Variants in VAC14 observed in about 807,000 individuals in gnomAD.
VAC14 encodes protein VAC14 homolog.
In VAC14, 47 loss-of-function variants were observed where a neutral mutation model predicts 85.3. The ratio of observed to expected loss-of-function variants is 0.55; its 90% CI spans 0.44 to 0.70. The LOEUF (loss-of-function observed/expected upper bound fraction) is 0.70. VAC14 is among the 30% of genes least tolerant of loss of function. The probability of loss-of-function intolerance (pLI) is 0.00; values close to 1 mark genes in which losing one functional copy is unlikely to be tolerated. For missense variants in VAC14, 861 were observed against 1,004.3 expected, an observed-to-expected ratio of 0.86 and a Z score of 1.93; for synonymous variants, 447 against 430.5, an observed-to-expected ratio of 1.04 and a Z score of -0.47.
Position 70,760,965 on chromosome 16 carries a change from GTGTGTGTGTGTGTGT to G in VAC14, c.1371+1560_1371+1574del, listed in dbSNP as rs2032292523. Among the ~76,000 whole-genome samples, 133 of 60,732 alleles carry G rather than the reference GTGTGTGTGTGTGTGT, an allele frequency of 2.2e-3. 6 individuals carry two copies. Among genetic ancestry groups the G allele is most frequent in the African/African-American group, 7.8e-3 (122 of 15,612 alleles). The allele number at this position is 60,732 out of a possible 152,430, so 39.8% of individuals were successfully genotyped here. On this transcript the variant is annotated intron_variant, in intron 12 of 18. Transcript: ENST00000261776. ...AGGGGGTGGTGCACGAAGAGAGGGT[GTGTGTGTGTGTGTGT>G]GTGTGTGTGTGTGTGTGTGTGTGTG...
rs1416142159 is a variant in VAC14 at position 70,783,467 on chromosome 16, T to A, written c.682A>T (p.Asn228Tyr). Reference sequence around the variant, plus strand: ...CACATTTTGCGAATCTCTTTGCCATTGTCACCCAGGATCTGGAAGAGTCCA... The same window carrying A: ...CACATTTTGCGAATCTCTTTGCCATAGTCACCCAGGATCTGGAAGAGTCCA... ...LDGLFQILGDNGKEIRKMCEV... is the reference protein window; with the variant it reads ...LDGLFQILGDYGKEIRKMCEV... Residue 228 changes from asparagine to tyrosine, a missense_variant, in exon 6 of 19, where the codon AAT becomes TAT. By Grantham distance (143) the Asn-to-Tyr change is moderately radical. Coordinates refer to ENST00000261776, the MANE Select transcript of VAC14 (RefSeq NM_018052.5). The A allele has an allele frequency of 6.2e-7, 1 of 1,614,102 alleles. No individual in the cohort carries two copies. Among genetic ancestry groups the A allele is most frequent in the Non-Finnish European group, 8.5e-7 (1 of 1,180,030 alleles).
chr16:70,794,337 A>G (rs1267749968), intron 1 of VAC14, among the ~76,000 whole-genome samples: 1 of 152,208 alleles, frequency 6.6e-6, no homozygotes, highest in African/African-American at 2.4e-5. Flanking sequence ...TTCTGTTTCT[A>G]TAGATTTGCC....
chr16:70,763,025 G>C lies in VAC14; in HGVS notation c.1161C>G (p.Ser387Arg). The C allele has an allele frequency of 6.2e-7, 1 of 1,614,218 alleles. No homozygotes were observed. The highest frequency in any genetic ancestry group is 8.5e-7 in the Non-Finnish European group (1 of 1,180,038). ...SSGISVFTAA[S>R]TERAPVTLHL... Reference sequence around the variant, plus strand: ...GAAGGGTCACTGGGGCTCTTTCAGTGCTGTGGGTAAGATCGGGAGGGAGAG... The same window carrying C: ...GAAGGGTCACTGGGGCTCTTTCAGTCCTGTGGGTAAGATCGGGAGGGAGAG... Residue 387 changes from serine (S) to arginine (R), a missense_variant and splice_region_variant, in exon 11 of 19, where the codon AGC (serine) becomes AGG (arginine). Physicochemically the swap from Ser to Arg is moderately radical, Grantham distance 110. Coordinates refer to ENST00000261776, the MANE Select transcript of VAC14 (RefSeq NM_018052.5).
intron 12 of VAC14, among the ~76,000 whole-genome samples, chr16:70,755,827 C>G (rs529259146): frequency 2.6e-5 from 4 of 152,320 alleles, no homozygotes; most frequent in African/African-American, 9.6e-5. Flanking sequence ...GGGGTAGACA[C>G]TGAGGGATGG....
Position 70,762,106 on chromosome 16 carries a change from T to TTTTTG in VAC14, c.1371+433_1371+434insCAAAA, listed in dbSNP as rs113559875. Among the ~76,000 whole-genome samples, 32,040 of 151,600 alleles carry TTTTTG rather than the reference T, an allele frequency of 0.21. 4,432 individuals are homozygous for TTTTTG. The highest frequency in any genetic ancestry group is 0.4 in the African/African-American group (16,467 of 41,140). On this transcript the variant is annotated intron_variant, in intron 12 of 18. Coordinates refer to ENST00000261776, the MANE Select transcript of VAC14 (RefSeq NM_018052.5). This position sits in a 1 kb window ranked among gnomAD's most constrained non-coding sequence, Gnocchi z 4.1. ...GTCCTCACTCCTAAAGTGAGTTTTT[T>TTTTTG]TTTTTGTTTTTGTTTTTTTGAGACA...
intron 5 of VAC14, 136 bp from the exon 6 acceptor site, chr16:70,783,690 G>T (rs900388146): frequency 6.1e-6 from 5 of 818,336 alleles, no homozygotes; most frequent in Non-Finnish European, 7.9e-6. Flanking sequence ...GTCCCATGTG[G>T]GAGGAGGGTG....
chr16:70,730,405 A>C (rs979145569), intron 14 of VAC14, among the ~76,000 whole-genome samples: 27 of 152,018 alleles, frequency 1.8e-4, no homozygotes, highest in African/African-American at 5.8e-4. Flanking sequence ...GTTTACAGCA[A>C]GATGAGCTCC....
intron 1 of VAC14, among the ~76,000 whole-genome samples, chr16:70,800,276 G>A (rs905790848): frequency 6.6e-6 from 1 of 152,216 alleles, no homozygotes; most frequent in African/African-American, 2.4e-5. Flanking sequence ...CCACTTGCAG[G>A]GAAGGGTGTT....
intron 1 of VAC14, 95 bp from the exon 2 acceptor site, chr16:70,786,460 T>C: frequency 6.6e-7 from 1 of 1,512,502 alleles, no homozygotes. Context: ...GATGACCTGT[T>C]TGGAAAGAGG....
intron 13 of VAC14, 74 bp downstream of exon 13, chr16:70,744,349 C>T: frequency 6.3e-7 from 1 of 1,582,314 alleles, no homozygotes; most frequent in Non-Finnish European, 8.6e-7. Context: ...ACCCAAAGGA[C>T]CGCCATGGTC....
chr16:70,713,149 C>CG (rs1419420406), intron 14 of VAC14, among the ~76,000 whole-genome samples: 2 of 151,828 alleles, frequency 1.3e-5, no homozygotes, highest in African/African-American at 4.8e-5. Flanking sequence ...AATACAAGCA[C>CG]GAAAAAAAAG....
chr16:70,726,412 C>T (rs193031374), intron 14 of VAC14, among the ~76,000 whole-genome samples: 2 of 152,330 alleles, frequency 1.3e-5, no homozygotes, highest in East Asian at 3.9e-4. Flanking sequence ...GGTTCCCCCT[C>T]CACAGACCAC....
rs775235321 is a variant in VAC14, at chr16:70,762,503, C to T, written c.1371+37G>A. ...CACTAACAAGGGGAGGCAGGGCAGC[C>T]GATGTTCCATAAGTACGGGTGGCGT... On this transcript the variant is annotated intron_variant, in intron 12 of 18. Coordinates refer to ENST00000261776, the MANE Select transcript of VAC14 (RefSeq NM_018052.5). This position sits in a 1 kb window ranked among gnomAD's most constrained non-coding sequence, Gnocchi z 4.1. 7 of 1,604,210 alleles carry T rather than the reference C, an allele frequency of 4.4e-6. No individual in the cohort carries two copies. The highest frequency in any genetic ancestry group is 1.7e-4 in the Middle Eastern group (1 of 6,046).
chr16:70,760,199 T>C (rs1359463523), intron 12 of VAC14, among the ~76,000 whole-genome samples: 3 of 152,154 alleles, frequency 2.0e-5, no homozygotes, highest in Non-Finnish European at 4.4e-5. Context: ...TCTGGCTGTG[T>C]TCCTGCTTAA....
chr16:70,783,194 G>A, intron 6 of VAC14, 55 bp from the exon 7 acceptor site: 2 of 1,557,304 alleles, frequency 1.3e-6, no homozygotes, highest in South Asian at 2.3e-5. Flanking sequence ...GGCTGGAGGA[G>A]CCTCAAACCA....
At chr16:70,791,729 G>A (rs942533128) in intron 1 of VAC14, among the ~76,000 whole-genome samples, 1 of 152,168 alleles carries the variant, frequency 6.6e-6, no homozygotes, top group Non-Finnish European at 1.5e-5. Context: ...GGCACCATGT[G>A]TCTGCATCTC....
chr16:70,723,003 G>A (rs1180460785), intron 14 of VAC14, among the ~76,000 whole-genome samples: 1 of 152,042 alleles, frequency 6.6e-6, no homozygotes, highest in African/African-American at 2.4e-5. Flanking sequence ...ATCACCTGAG[G>A]TCAGGAGTTT....
At chr16:70,723,799 G>A (rs1408103381) in intron 14 of VAC14, among the ~76,000 whole-genome samples, 1 of 152,216 alleles carries the variant, frequency 6.6e-6, no homozygotes, top group African/African-American at 2.4e-5. Context: ...GACTGGCAAG[G>A]GGCCAGCGTG....
chr16:70,706,868 C>T (rs2053929878), intron 14 of VAC14, among the ~76,000 whole-genome samples: 1 of 152,152 alleles, frequency 6.6e-6, no homozygotes, highest in Admixed American at 6.5e-5. Flanking sequence ...GGCCAATGGA[C>T]CCCAGTACTT....
Sources: allele counts gnomAD v4.1 joint callset (sites outside exome capture counted in the v4.1 genomes callset), GRCh38; gene constraint gnomAD v4.1.1; non-coding constraint Gnocchi (gnomAD v3.1); transcripts MANE v1.5; gene names NCBI Gene and HGNC (gene_info 2026-07-23, HGNC 2026-07-21).